SCNN1B: variants seen among roughly 807,000 people sequenced by gnomAD.
SCNN1B encodes the protein sodium channel epithelial 1 subunit beta.
A neutral mutation model predicts 65.3 loss-of-function variants in SCNN1B; 46 were observed. That is an observed-to-expected ratio of 0.70 (90% CI 0.56 to 0.90). The LOEUF is 0.90. Ranked by LOEUF, SCNN1B falls within the 40% of genes least tolerant of loss-of-function variation. SCNN1B has a pLI of 0.00. For synonymous variants in SCNN1B, 349 were observed against 330.6 expected (o/e 1.06, Z -0.60); for missense variants, 751 against 830.5 (o/e 0.90, Z 1.18).
intron 1 of SCNN1B, among the ~76,000 whole-genome samples, chr16:23,281,910 G>A (rs116623893): frequency 2.2e-3 from 331 of 152,170 alleles, no homozygotes; most frequent in African/African-American, 7.5e-3. Flanking sequence ...AATACTTACT[G>A]GCCGGGTGCA....
chr16:23,286,752 C>T (rs941539346), intron 2 of SCNN1B, among the ~76,000 whole-genome samples: 4 of 152,088 alleles, frequency 2.6e-5, no homozygotes, highest in East Asian at 1.9e-4. Context: ...GGAGAGAGAA[C>T]GGGAAGGGAA....
rs974194635 is a variant in SCNN1B at position 23,355,394 on chromosome 16, T to C, written c.681T>C (p.Phe227=). The C allele has an allele frequency of 6.2e-7, 1 of 1,614,154 alleles. No individual in the cohort carries two copies. The highest frequency in any genetic ancestry group is 8.5e-7 in the Non-Finnish European group (1 of 1,180,020). ...ACATCCTGCAGGCCACCAACATCTT[T>C]GCACAGGTGCCACAGCAGGAGCTAG... ...EWYILQATNI[F]AQVPQQELVE... Residue 227 remains phenylalanine (F), a synonymous_variant, in exon 4 of 13, where the codon TTT becomes TTC. Transcript: ENST00000343070.
chr16:23,289,673 C>CTTTTTT (rs11369014), intron 2 of SCNN1B, among the ~76,000 whole-genome samples: 2 of 124,108 alleles, frequency 1.6e-5, no homozygotes, highest in Non-Finnish European at 3.3e-5. Context: ...CAATATTTAA[C>CTTTTTT]TTTTTTTTTT....
chr16:23,315,752 C>T lies in SCNN1B; in HGVS notation c.-9+13315C>T, dbSNP rs115529326. Among the ~76,000 whole-genome samples, 12 of 152,240 alleles carry T rather than the reference C, an allele frequency of 7.9e-5. No individual in the cohort carries two copies. The East Asian group carries it at 1.2e-3, about 15-fold the overall frequency. Reference sequence around the variant, plus strand: ...CCAGGAGTTCAAGTCTGCAGTGAGCCGTGATCGTGCCACCGCACTCCAGCC... The same window carrying T: ...CCAGGAGTTCAAGTCTGCAGTGAGCTGTGATCGTGCCACCGCACTCCAGCC... On this transcript the variant is annotated intron_variant, in intron 1 of 12. Coordinates refer to ENST00000343070, the MANE Select transcript of SCNN1B (RefSeq NM_000336.3).
At chr16:23,301,764 C>G (rs1408454305), upstream of SCNN1B, among the ~76,000 whole-genome samples, 1 of 152,060 alleles carries the variant, frequency 6.6e-6, no homozygotes, top group Non-Finnish European at 1.5e-5. Flanking sequence ...TAGGACCTAT[C>G]GGGGATGACT....
chr16:23,316,815 T>A (rs1961480765), intron 1 of SCNN1B, among the ~76,000 whole-genome samples: 1 of 149,612 alleles, frequency 6.7e-6, no homozygotes, highest in Non-Finnish European at 1.5e-5. Context: ...ACCCTCACCA[T>A]CTCCTCCATC....
At position 23,371,378 on chromosome 16, in the gene SCNN1B, T is replaced by C; in HGVS notation, c.960T>C (p.Leu320=). ...LASTAGVRLM[L]HEQRSYPFIR... The stretch of plus-strand genomic sequence containing the variant: ...CCACGGCCGGGGTCAGGCTGATGCT[T>C]CACGAGCAGAGGTCATACCCCTTCA... Residue 320 remains leucine (L), a synonymous_variant, in exon 6 of 13, where the codon CTT becomes CTC. Transcript: ENST00000343070. 1 of 1,614,092 alleles carries C rather than the reference T, an allele frequency of 6.2e-7. No individual in the cohort carries two copies. The highest frequency in any genetic ancestry group is 1.1e-5 in the South Asian group (1 of 91,084).
intron 1 of SCNN1B, among the ~76,000 whole-genome samples, chr16:23,341,339 G>A (rs1962051475): frequency 6.6e-6 from 1 of 152,104 alleles, no homozygotes; most frequent in African/African-American, 2.4e-5. Flanking sequence ...TATAAGAGCT[G>A]GAACTATAAA....
At position 23,352,999 on chromosome 16, in the gene SCNN1B, C is replaced by A; in HGVS notation, c.510C>A (p.Asn170Lys). 10 of 1,614,144 alleles carry A rather than the reference C, an allele frequency of 6.2e-6. No homozygotes were observed. The highest frequency in any genetic ancestry group is 8.5e-6 in the Non-Finnish European group (10 of 1,180,034). ...HPMVLDLFGD[N>K]HNGLTSSSAS... Reference sequence around the variant, plus strand: ...TGGTCCTTGATCTCTTTGGAGACAACCACAATGGCTTAACAAGCAGCTCAG... The same window carrying A: ...TGGTCCTTGATCTCTTTGGAGACAAACACAATGGCTTAACAAGCAGCTCAG... The change falls in exon 3 of 13, where the codon AAC (asparagine) becomes AAA (lysine). Residue 170 changes from asparagine (N) to lysine (K), a missense_variant. Coordinates refer to ENST00000343070, the MANE Select transcript of SCNN1B (RefSeq NM_000336.3).
At chr16:23,313,067 G>T (rs367781669) in intron 1 of SCNN1B, among the ~76,000 whole-genome samples, 12 of 152,330 alleles carry the variant, frequency 7.9e-5, no homozygotes, top group Admixed American at 2.0e-4. Flanking sequence ...GAAACACTTA[G>T]AGGAAAGGTT....
intron 1 of SCNN1B, among the ~76,000 whole-genome samples, chr16:23,313,609 G>A (rs1961389858): frequency 6.6e-6 from 1 of 152,158 alleles, no homozygotes. Flanking sequence ...CGATTTTTGT[G>A]TGTGGTTTGT....
rs777811299 is a variant in SCNN1B at position 23,348,952 on chromosome 16, C to T, written c.311+42C>T. 184 of 1,531,234 alleles carry T rather than the reference C, an allele frequency of 1.2e-4. No individual in the cohort carries two copies. The highest frequency in any genetic ancestry group is 1.5e-4 in the Non-Finnish European group (164 of 1,105,192). 94.9% of individuals were successfully genotyped at this position (1,531,234 alleles called of 1,614,324 possible). A position where few individuals can be genotyped will look rare whatever the true frequency, so the allele number is the denominator to read the frequency against. On this transcript the variant is annotated intron_variant, in intron 2 of 12. Coordinates refer to ENST00000343070, the MANE Select transcript of SCNN1B (RefSeq NM_000336.3). The surrounding 1 kb of genome is among the most constrained non-coding windows in gnomAD (Gnocchi z 4.5). ...TGCACAGCTGGCCTCAGCAGACAGG[C>T]GGTTCTCTTTCTCTCTTTTCTTCCC...
At chr16:23,357,625 C>G (rs1049120936) in intron 4 of SCNN1B, among the ~76,000 whole-genome samples, 1 of 152,210 alleles carries the variant, frequency 6.6e-6, no homozygotes, top group Non-Finnish European at 1.5e-5. Context: ...GGGCAGGGTT[C>G]TTGCACACAA....
intron 3 of SCNN1B, 163 bp downstream of exon 3, chr16:23,353,237 G>C: frequency 1.2e-6 from 1 of 837,360 alleles, no homozygotes; most frequent in Non-Finnish European, 1.9e-6. Context: ...GAAATTTTTG[G>C]CATGTTAGTC....
At chr16:23,337,806 C>A (rs1961975472) in intron 1 of SCNN1B, among the ~76,000 whole-genome samples, 1 of 152,080 alleles carries the variant, frequency 6.6e-6, no homozygotes, top group Non-Finnish European at 1.5e-5. Context: ...GTGGCTCATA[C>A]CTGTAATCCC....
chr16:23,366,781 C>T (rs1055204367), intron 4 of SCNN1B, among the ~76,000 whole-genome samples: 9 of 152,302 alleles, frequency 5.9e-5, no homozygotes, highest in Non-Finnish European at 1.2e-4. Flanking sequence ...ACTTTGGCCT[C>T]CCAAAGTGCT....
At chr16:23,368,008 C>G (rs1962707432) in intron 5 of SCNN1B, 49 bp downstream of exon 5, 1 of 1,389,054 alleles carries the variant, frequency 7.2e-7, no homozygotes, top group Non-Finnish European at 1.0e-6. Flanking sequence ...TTTAACCACC[C>G]CCACAATGTG....
At chr16:23,286,514 T>C (rs1303577878) in intron 2 of SCNN1B, among the ~76,000 whole-genome samples, 1 of 152,258 alleles carries the variant, frequency 6.6e-6, no homozygotes, top group Non-Finnish European at 1.5e-5. Context: ...AGCTTTCTGG[T>C]GTGATGCAAG....
At position 23,381,058 on chromosome 16, in the gene SCNN1B, A is replaced by G; in HGVS notation, c.*257A>G. 1.8e-6 allele frequency: 1 copy of G among 553,584 alleles called. No individual in the cohort carries two copies. Among genetic ancestry groups the G allele is most frequent in the South Asian group, 2.0e-5 (1 of 49,192 alleles). The allele number at this position is 553,584 out of a possible 1,614,324, so 34.3% of individuals were successfully genotyped here. A position where few individuals can be genotyped will look rare whatever the true frequency, so the allele number is the denominator to read the frequency against. On this transcript the variant is annotated 3_prime_UTR_variant, in exon 13 of 13. Coordinates refer to ENST00000343070, the MANE Select transcript of SCNN1B (RefSeq NM_000336.3). Reference sequence around the variant, plus strand: ...CCTACCCTCGTCCCTACCTGTCCTGATCCTGGTCCTGAAGACCCCTCGGAA... The same window carrying G: ...CCTACCCTCGTCCCTACCTGTCCTGGTCCTGGTCCTGAAGACCCCTCGGAA...
Sources: allele counts gnomAD v4.1 joint callset (sites outside exome capture counted in the v4.1 genomes callset), GRCh38; gene constraint gnomAD v4.1.1; non-coding constraint Gnocchi (gnomAD v3.1); transcripts MANE v1.5; gene names NCBI Gene and HGNC (gene_info 2026-07-23, HGNC 2026-07-21).